Variants in CLCNKA observed in about 807,000 individuals in gnomAD.
CLCNKA encodes chloride channel protein ClC-Ka.
A neutral mutation model predicts 83.3 loss-of-function variants in CLCNKA; 66 were observed. The ratio of observed to expected loss-of-function variants is 0.79; its 90% CI spans 0.65 to 0.97. CLCNKA has a LOEUF of 0.97. CLCNKA is among the 50% of genes least tolerant of loss of function. CLCNKA has a pLI of 0.00. For missense variants in CLCNKA, 806 were observed against 888.7 expected (o/e 0.91, Z 1.18); for synonymous variants, 357 against 370.4 (o/e 0.96, Z 0.42).
At chr1:16,027,691 G>T in intron 8 of CLCNKA, 130 bp from the exon 9 acceptor site, 1 of 1,532,580 alleles carries the variant, frequency 6.5e-7, no homozygotes, top group Non-Finnish European at 8.9e-7. Context: ...GGTTGTGGGG[G>T]CCTGGAATGC....
intron 5 of CLCNKA, 33 bp downstream of exon 5, chr1:16,026,280 C>A: frequency 2.5e-6 from 4 of 1,611,556 alleles, no homozygotes; most frequent in Non-Finnish European, 3.4e-6. Context: ...CCCAGCCACC[C>A]CGCCCACCCT....
Position 16,030,480 on chromosome 1 carries a change from G to A in CLCNKA, c.1428G>A (p.Gly476=). ...YALAGAAAFS[G]AVTHTISTAL... is the part of the protein sequence containing the mutation. ...CGGCAGGGGCTGCAGCCTTCTCAGG[G>A]GCTGTGACCCACACCATCTCCACGG... The change falls in exon 15 of 20, where the codon GGG becomes GGA. Residue 476 remains glycine, a synonymous_variant. Coordinates refer to ENST00000331433, the MANE Select transcript of CLCNKA (RefSeq NM_004070.4). 6.2e-7 allele frequency: 1 copy of A among 1,612,846 alleles called. No individual in the cohort carries two copies. The highest frequency in any genetic ancestry group is 8.5e-7 in the Non-Finnish European group (1 of 1,179,968).
chr1:16,026,806 G>A (rs771571706), intron 7 of CLCNKA, 31 bp downstream of exon 7: 16 of 1,612,882 alleles, frequency 9.9e-6, no homozygotes, highest in Admixed American at 5.0e-5. Flanking sequence ...CGCCCCCTGG[G>A]TCCCTCAAGC....
At chr1:16,028,444 C>G (rs2022472759) in intron 10 of CLCNKA, among the ~76,000 whole-genome samples, 1 of 152,190 alleles carries the variant, frequency 6.6e-6, no homozygotes, top group Non-Finnish European at 1.5e-5. Flanking sequence ...GCCCTCCTGC[C>G]CCGGAGATGC....
At chr1:16,031,641 A>T (rs2022628184) in intron 15 of CLCNKA, 69 bp from the exon 16 acceptor site, 9 of 1,610,706 alleles carry the variant, frequency 5.6e-6, no homozygotes, top group African/African-American at 1.3e-5. Context: ...AGCTCCCCTC[A>T]GATCCCCTTG....
At chr1:16,028,619 C>A in intron 10 of CLCNKA, 142 bp from the exon 11 acceptor site, 1 of 1,050,218 alleles carries the variant, frequency 9.5e-7, no homozygotes, top group Non-Finnish European at 1.5e-6. Context: ...TCCCTGCTCC[C>A]GCCCTTCCTC....
Position 16,024,763 on chromosome 1 carries a change from C to T in CLCNKA, c.230C>T (p.Ala77Val), listed in dbSNP as rs1169084221. 1 of 1,614,040 alleles carries T rather than the reference C, an allele frequency of 6.2e-7. No individual in the cohort carries two copies. ...MNFAIGCVVR[A>V]HQWLYREIGD... ...CTCCCTGATACGCGGCTGTCCCCAG[C>T]ACACCAGTGGCTGTACAGGGAGATT... Residue 77 changes from alanine to valine, a missense_variant and splice_region_variant, in exon 4 of 20, where the codon GCA becomes GTA. Physicochemically the swap from Ala to Val is moderately conservative, Grantham distance 64. Transcript: ENST00000331433.
At chr1:16,023,104 G>A (rs1160342370) in intron 2 of CLCNKA, among the ~76,000 whole-genome samples, 7 of 152,246 alleles carry the variant, frequency 4.6e-5, no homozygotes, top group African/African-American at 1.7e-4. Context: ...CATGTGCCTT[G>A]TTCACTTTGA....
chr1:16,030,604 T>C lies in CLCNKA; in HGVS notation c.1552T>C (p.Ser518Pro), dbSNP rs2022584963. 6.2e-7 allele frequency: 1 copy of C among 1,612,958 alleles called. No homozygotes were observed. The highest frequency in any genetic ancestry group is 1.1e-5 in the South Asian group (1 of 91,094). Reference protein sequence around the residue: ...ANAIAQSCQPSFYDGTIIVKK... With the variant: ...ANAIAQSCQPPFYDGTIIVKK... ...CGCCATTGCACAGAGCTGCCAGCCC[T>C]CCTTCTATGATGGCACCATCATTGT... Residue 518 changes from serine to proline, a missense_variant, in exon 15 of 20, where the codon TCC (serine) becomes CCC (proline). Ser to Pro is a moderately conservative substitution (Grantham distance 74, BLOSUM62 -1). Coordinates refer to ENST00000331433, the MANE Select transcript of CLCNKA (RefSeq NM_004070.4).
At chr1:16,028,975 C>A in intron 11 of CLCNKA, 130 bp downstream of exon 11, 2 of 1,498,300 alleles carry the variant, frequency 1.3e-6, no homozygotes, top group African/African-American at 1.4e-5. Context: ...GATAAGGAGA[C>A]CATGGCTCTG....
chr1:16,032,281 C>A lies in CLCNKA; in HGVS notation c.1835C>A (p.Pro612Gln). 1 of 1,604,128 alleles carries A rather than the reference C, an allele frequency of 6.2e-7. No individual in the cohort carries two copies. The highest frequency in any genetic ancestry group is 1.4e-5 in the African/African-American group (1 of 73,658). Reference sequence around the variant, plus strand: ...CAGGCTGAGCCTCCTTCCAGGGCTCCAGGACACCAGGTGGTTACTCCTGAG... The same window carrying A: ...CAGGCTGAGCCTCCTTCCAGGGCTCAAGGACACCAGGTGGTTACTCCTGAG... ...ALQAEPPSRAPGHQQCLQDIL... is the reference protein window; with the variant it reads ...ALQAEPPSRAQGHQQCLQDIL... Residue 612 changes from proline to glutamine, a missense_variant, in exon 17 of 20, where the codon CCA becomes CAA. Transcript: ENST00000331433.
rs562112611 is a variant in CLCNKA, at chr1:16,032,618, C to T, written c.1929+92C>T. 3,421 of 963,058 alleles carry T rather than the reference C, an allele frequency of 3.6e-3. 17 individuals are homozygous for T. The highest frequency in any genetic ancestry group is 5.1e-3 in the Non-Finnish European group (3,042 of 595,768). The allele number at this position is 963,058 out of a possible 1,614,324, so 59.7% of individuals were successfully genotyped here. A position where few individuals can be genotyped will look rare whatever the true frequency, so the allele number is the denominator to read the frequency against. On this transcript the variant is annotated intron_variant, in intron 18 of 19. Coordinates refer to ENST00000331433, the MANE Select transcript of CLCNKA (RefSeq NM_004070.4). ...AGGCTCCAGCCTCCCGTCCCAACCCCGCCCCGCCCATCTTATCCTGCTTCC... is the reference window on the plus strand; with the variant it reads ...AGGCTCCAGCCTCCCGTCCCAACCCTGCCCCGCCCATCTTATCCTGCTTCC...
At chr1:16,027,023 C>A (rs2022387919) in intron 7 of CLCNKA, 1 of 646,272 alleles carries the variant, frequency 1.5e-6, no homozygotes, top group Non-Finnish European at 2.7e-6. Flanking sequence ...AATCCACTGG[C>A]CCCTTGGCCT....
intron 8 of CLCNKA, 43 bp downstream of exon 8, chr1:16,027,478 C>T (rs550068215): frequency 1.6e-5 from 25 of 1,610,596 alleles, no homozygotes; most frequent in South Asian, 5.5e-5. Context: ...GCCTGGGGGC[C>T]GGGGCGAGGG....
rs748030217 is a variant in CLCNKA, at chr1:16,029,314, C to A, written c.1227+15C>A. On this transcript the variant is annotated intron_variant, in intron 12 of 19. Coordinates refer to ENST00000331433, the MANE Select transcript of CLCNKA (RefSeq NM_004070.4). ...TGGTTATGAAGGTGGGCCCCCTGAC[C>A]CCCAGGTGTGCACAGAGCCAGGACC... 6.2e-7 allele frequency: 1 copy of A among 1,613,550 alleles called. No homozygotes were observed. The highest frequency in any genetic ancestry group is 1.1e-5 in the South Asian group (1 of 91,090).
In CLCNKA at chr1:16,027,872, A is replaced by C; in HGVS notation, c.833A>C (p.Asp278Ala). The change falls in exon 9 of 20, where the codon GAC (aspartate) becomes GCC (alanine). Residue 278 changes from aspartate to alanine, a missense_variant. Transcript: ENST00000331433. ...AGTTTCCGGGTGGACGTTCCCTTCG[A>C]CCTGCCTGAGATCTTCTTTTTTGTG... ...KTSFRVDVPF[D>A]LPEIFFFVAL... 6.2e-7 allele frequency: 1 copy of C among 1,613,370 alleles called. No homozygotes were observed. The highest frequency in any genetic ancestry group is 1.3e-5 in the African/African-American group (1 of 74,888).
At chr1:16,029,497 G>A (rs2022523557) in intron 12 of CLCNKA, among the ~76,000 whole-genome samples, 198 bp downstream of exon 12, 1 of 152,210 alleles carries the variant, frequency 6.6e-6, no homozygotes, top group Non-Finnish European at 1.5e-5. Context: ...TTAAAATGGG[G>A]TGGTTACTGG....
chr1:16,025,060 C>T (rs2022294691), intron 4 of CLCNKA, among the ~76,000 whole-genome samples, 169 bp downstream of exon 4: 1 of 152,242 alleles, frequency 6.6e-6, no homozygotes, highest in African/African-American at 2.4e-5. Flanking sequence ...ACTCTTGGGT[C>T]ACTGCTGGCC....
chr1:16,030,852 T>A (rs1003820474), intron 15 of CLCNKA, among the ~76,000 whole-genome samples, 178 bp downstream of exon 15: 35 of 152,208 alleles, frequency 2.3e-4, no homozygotes, highest in Admixed American at 2.2e-3. Context: ...TGGGTGACCT[T>A]GGGCAAGTCC....
Sources: gnomAD v4.1 joint callset for allele counts (sites outside exome capture counted in the v4.1 genomes callset) on GRCh38, gnomAD v4.1.1 for gene constraint, MANE v1.5 for transcripts, NCBI Gene and HGNC (gene_info 2026-07-23, HGNC 2026-07-21) for gene names.